Variants in MAP4K4 observed in about 807,000 individuals in gnomAD.
The protein encoded by MAP4K4 is HPK/GCK-like kinase HGK.
Under a neutral mutation model 189.6 loss-of-function variants are expected in MAP4K4, and 38 were observed. That is an observed-to-expected ratio of 0.20 (90% CI 0.15 to 0.26). The LOEUF (loss-of-function observed/expected upper bound fraction) is 0.26, where lower values mean the gene tolerates loss of function less well. Among genes scored for constraint, MAP4K4 ranks in the 10% least tolerant of loss-of-function variants. The pLI is 1.00. For synonymous variants in MAP4K4, 610 were observed against 624.3 expected, an observed-to-expected ratio of 0.98 and a Z score of 0.34; for missense variants, 1,054 against 1,726.9, an observed-to-expected ratio of 0.61 and a Z score of 6.91.
chr2:101,707,356 G>GGA (rs1452207860), intron 2 of MAP4K4, among the ~76,000 whole-genome samples: 1 of 151,642 alleles, frequency 6.6e-6, no homozygotes, highest in Non-Finnish European at 1.5e-5. Flanking sequence ...CTGCAGGTGC[G>GGA]GACCACCATG....
intron 5 of MAP4K4, among the ~76,000 whole-genome samples, chr2:101,829,281 G>A (rs993119330): frequency 6.6e-6 from 1 of 152,122 alleles, no homozygotes; most frequent in African/African-American, 2.4e-5. Context: ...TTGCTCACAC[G>A]GGGAACCTAA....
intron 3 of MAP4K4, among the ~76,000 whole-genome samples, chr2:101,798,803 C>T (rs980867396): frequency 6.6e-6 from 1 of 152,278 alleles, no homozygotes; most frequent in Middle Eastern, 3.4e-3. Flanking sequence ...GTTTCATTGT[C>T]CAAGAAAACA....
intron 3 of MAP4K4, chr2:101,797,439 C>G (rs2093831964): frequency 1.5e-5 from 19 of 1,260,682 alleles, no homozygotes; most frequent in Non-Finnish European, 2.0e-5. Context: ...TGCACCGCCC[C>G]CTCCCTCCTT....
exon 33 of MAP4K4, chr2:101,891,412 T>C (rs1486748651): frequency 3.4e-6 from 2 of 595,934 alleles, no homozygotes; most frequent in African/African-American, 3.7e-5. Context: ...GTTCCTCTTA[T>C]ATACCAGTTT....
At chr2:101,888,961 T>C in intron 32 of MAP4K4, 26 bp downstream of exon 32, 1 of 1,586,634 alleles carries the variant, frequency 6.3e-7, no homozygotes, top group African/African-American at 1.3e-5. Flanking sequence ...TGGATTCTTT[T>C]TAGTTGCTCT....
At chr2:101,840,049 C>T (rs2096869627) in intron 10 of MAP4K4, 55 bp downstream of exon 10, 2 of 1,509,354 alleles carry the variant, frequency 1.3e-6, no homozygotes, top group South Asian at 2.7e-5. Flanking sequence ...TAGTTTCTTG[C>T]CAACTAGAGT....
rs566610122 is a variant in MAP4K4 at position 101,850,389 on chromosome 2, C to G, written c.1234-5588C>G. On this transcript the variant is annotated intron_variant, in intron 12 of 32. Transcript: ENST00000324219. ...TCAGTAAAAAATTAATAAACTGTGC[C>G]ATGCATGCATTATGTGTTTCTTGGT... 1.3e-3 allele frequency among the ~76,000 whole-genome samples: 200 copies of G among 152,264 alleles called. 1 individual carries two copies. Among genetic ancestry groups the G allele is most frequent in the African/African-American group, 4.7e-3 (196 of 41,546 alleles).
chr2:101,871,359 G>T lies in MAP4K4; in HGVS notation c.2761-135G>T, dbSNP rs1577142353. On this transcript the variant is annotated intron_variant, in intron 23 of 32. Transcript: ENST00000324219. ...TGGTGAGGAAGTGTGAGCAGTTCAGGCTAATTTCTTTGGTTTTTCCTTGGT... is the reference window on the plus strand; with the variant it reads ...TGGTGAGGAAGTGTGAGCAGTTCAGTCTAATTTCTTTGGTTTTTCCTTGGT... 4.5e-6 allele frequency: 3 copies of T among 667,058 alleles called. No individual in the cohort carries two copies. The East Asian group carries it at 8.4e-5, about 19-fold the overall frequency. 41.3% of individuals were successfully genotyped at this position (667,058 alleles called of 1,614,324 possible).
chr2:101,849,443 C>G (rs181710599), intron 12 of MAP4K4, among the ~76,000 whole-genome samples: 2 of 152,142 alleles, frequency 1.3e-5, no homozygotes, highest in Non-Finnish European at 2.9e-5. Flanking sequence ...AGTTTTAATA[C>G]TACTTTTCCT....
At chr2:101,863,251 A>T (rs1417145709) in intron 16 of MAP4K4, among the ~76,000 whole-genome samples, 1 of 152,242 alleles carries the variant, frequency 6.6e-6, no homozygotes, top group Non-Finnish European at 1.5e-5. Flanking sequence ...GGGAAAAATA[A>T]GAAAAATTGT....
At chr2:101,725,939 A>C (rs941061031) in intron 2 of MAP4K4, among the ~76,000 whole-genome samples, 2 of 151,808 alleles carry the variant, frequency 1.3e-5, no homozygotes, top group Admixed American at 6.6e-5. Context: ...TGGCCACTTC[A>C]CGTTTATTTT....
At chr2:101,785,390 A>G (rs970845460) in intron 2 of MAP4K4, among the ~76,000 whole-genome samples, 3 of 152,094 alleles carry the variant, frequency 2.0e-5, no homozygotes, top group Admixed American at 6.5e-5. Flanking sequence ...GAGTGGTGAA[A>G]CTTTTTGATA....
At chr2:101,879,108 T>G (rs975832212) in intron 27 of MAP4K4, among the ~76,000 whole-genome samples, 2 of 149,460 alleles carry the variant, frequency 1.3e-5, no homozygotes, top group African/African-American at 5.0e-5. Context: ...GGCAGGAGGA[T>G]TGCTTTTGCC....
chr2:101,704,725 A>T (rs1186810201), intron 2 of MAP4K4, among the ~76,000 whole-genome samples: 2 of 151,034 alleles, frequency 1.3e-5, no homozygotes, highest in East Asian at 3.9e-4. Flanking sequence ...AAGCCTGGCT[A>T]ATTTTTGTAT....
Position 101,740,400 on chromosome 2 carries a change from C to T in MAP4K4, c.123+41862C>T, listed in dbSNP as rs868747295. Among the ~76,000 whole-genome samples, 78 of 102,462 alleles carry T rather than the reference C, an allele frequency of 7.6e-4. 7 individuals are homozygous for T. Among genetic ancestry groups the T allele is most frequent in the Middle Eastern group, 8.2e-3 (2 of 244 alleles). 67.2% of individuals were successfully genotyped at this position (102,462 alleles called of 152,430 possible). ...CGATCTCCTGACCTCGTGATCCGCC[C>T]GCCTCGGCCTCCCAAAGTGCTGGGA... On this transcript the variant is annotated intron_variant, in intron 2 of 32. Transcript: ENST00000324219.
At chr2:101,785,166 C>A (rs1165625367) in intron 2 of MAP4K4, among the ~76,000 whole-genome samples, 1 of 152,140 alleles carries the variant, frequency 6.6e-6, no homozygotes, top group East Asian at 1.9e-4. Flanking sequence ...TGTTTATTTA[C>A]CTTACATAGT....
chr2:101,831,830 A>C, exon 7 of MAP4K4: 1 of 1,613,120 alleles, frequency 6.2e-7, no homozygotes, highest in Non-Finnish European at 8.5e-7. Flanking sequence ...ATGAGAACCC[A>C]GATGCCACCT....
In MAP4K4 at chr2:101,797,889, G is replaced by GTTTTTTT. The variant is rs58201235; in HGVS notation, c.180+7128_180+7134dup. Among the ~76,000 whole-genome samples the GTTTTTTT allele has an allele frequency of 6.1e-3, 316 of 51,822 alleles. 10 individuals are homozygous for GTTTTTTT. The highest frequency in any genetic ancestry group is 0.018 in the South Asian group (23 of 1,244). The allele number at this position is 51,822 out of a possible 152,430, so 34.0% of individuals were successfully genotyped here. ...TGAAGCTTTTTAAAACATTCTTTTA[G>GTTTTTTT]TTTTTTTTTTTTTTTTTTTTTGGAG... On this transcript the variant is annotated intron_variant, in intron 3 of 32. Coordinates refer to ENST00000324219, the Ensembl canonical transcript of MAP4K4.
rs375134192 is a variant in MAP4K4 at position 101,849,413 on chromosome 2, G to T, written c.1233+5102G>T. 1.1e-3 allele frequency among the ~76,000 whole-genome samples: 165 copies of T among 152,280 alleles called. 2 individuals carry two copies. The highest frequency in any genetic ancestry group is 6.8e-3 in the Middle Eastern group (2 of 294). ...CAAAGTGCTGGAATTACAGGCATGA[G>T]CCACTGTGCCCAGCCAAAAAGTTTT... On this transcript the variant is annotated intron_variant, in intron 12 of 32. Transcript: ENST00000324219.
Sources: gnomAD v4.1 joint callset for allele counts (sites outside exome capture counted in the v4.1 genomes callset) on GRCh38, gnomAD v4.1.1 for gene constraint, MANE v1.5 for transcripts, NCBI Gene and HGNC (gene_info 2026-07-23, HGNC 2026-07-21) for gene names.